NAA16: variants seen among roughly 807,000 people sequenced by gnomAD.
NAA16 encodes NARG1-like protein.
In NAA16, 97 loss-of-function variants were observed where a neutral mutation model predicts 110.3. That is an observed-to-expected ratio of 0.88 (90% CI 0.75 to 1.04). The LOEUF is 1.04. NAA16 is among the 50% of genes least tolerant of loss of function. The pLI is 0.00. For missense variants in NAA16, 1,017 were observed against 1,005.1 expected, an observed-to-expected ratio of 1.01 and a Z score of -0.16; for synonymous variants, 372 against 330.6, an observed-to-expected ratio of 1.13 and a Z score of -1.36.
intron 13 of NAA16, among the ~76,000 whole-genome samples, chr13:41,364,608 C>T (rs1030017609): frequency 1.3e-5 from 2 of 151,900 alleles, no homozygotes; most frequent in African/African-American, 4.8e-5. Context: ...TATTAGACTG[C>T]TGGTGATTGG....
intron 15 of NAA16, among the ~76,000 whole-genome samples, chr13:41,370,520 C>A (rs180835074): frequency 6.6e-6 from 1 of 152,144 alleles, no homozygotes; most frequent in South Asian, 2.1e-4. Flanking sequence ...AACCCCTGAG[C>A]CTTGAAGGGA....
At chr13:41,367,919 T>C (rs1274795573) in intron 14 of NAA16, among the ~76,000 whole-genome samples, 1 of 152,080 alleles carries the variant, frequency 6.6e-6, no homozygotes, top group Non-Finnish European at 1.5e-5. Context: ...ATTTAAGAAC[T>C]GGGTATGGTG....
At chr13:41,330,270 C>T (rs1010827703) in intron 7 of NAA16, among the ~76,000 whole-genome samples, 3 of 151,516 alleles carry the variant, frequency 2.0e-5, no homozygotes, top group Non-Finnish European at 4.4e-5. Flanking sequence ...AAACATATTA[C>T]TGGGGGAAGG....
chr13:41,315,507 G>A (rs2041784395), intron 1 of NAA16, among the ~76,000 whole-genome samples: 1 of 152,132 alleles, frequency 6.6e-6, no homozygotes, highest in Non-Finnish European at 1.5e-5. Flanking sequence ...CAGCTAAGCT[G>A]AGCAGCTTAT....
intron 8 of NAA16, among the ~76,000 whole-genome samples, chr13:41,334,984 T>G (rs1223551821): frequency 1.3e-5 from 2 of 152,184 alleles, no homozygotes; most frequent in Admixed American, 1.3e-4. Context: ...TTCTTTTCAC[T>G]TAACCTCGTA....
chr13:41,340,946 C>A (rs986077114), intron 9 of NAA16, among the ~76,000 whole-genome samples: 3 of 152,094 alleles, frequency 2.0e-5, no homozygotes, highest in Admixed American at 6.5e-5. Context: ...GGATTACAGG[C>A]GTGAGCCACC....
In NAA16 at chr13:41,369,249, T is replaced by G; in HGVS notation, c.1913T>G (p.Leu638Arg). 1 of 1,582,448 alleles carries G rather than the reference T, an allele frequency of 6.3e-7. No homozygotes were observed. The highest frequency in any genetic ancestry group is 8.5e-7 in the Non-Finnish European group (1 of 1,172,216). The change falls in exon 15 of 20, where the codon CTT becomes CGT. Residue 638 changes from leucine (L) to arginine (R), a missense_variant. Transcript: ENST00000379406. ...GAAGAAGAAGAAGAAGCCAGTGGCC[T>G]TAAGGAAGAACTTATACCTGAAAAA... ...RDEEEEEASGLKEELIPEKLE... is the reference protein window; with the variant it reads ...RDEEEEEASGRKEELIPEKLE...
At chr13:41,368,467 A>G (rs1343544425) in intron 14 of NAA16, among the ~76,000 whole-genome samples, 2 of 152,188 alleles carry the variant, frequency 1.3e-5, no homozygotes, top group Admixed American at 1.3e-4. Context: ...CTATTGGTCA[A>G]TTTTAGTTAA....
intron 8 of NAA16, among the ~76,000 whole-genome samples, chr13:41,331,824 G>T (rs1255819895): frequency 3.9e-5 from 6 of 152,058 alleles, no homozygotes; most frequent in Non-Finnish European, 8.8e-5. Flanking sequence ...GAAATGATAA[G>T]TAATCGAGGC....
At chr13:41,328,661 A>G in intron 6 of NAA16, 63 bp from the exon 7 acceptor site, 1 of 1,360,500 alleles carries the variant, frequency 7.4e-7, no homozygotes, top group Non-Finnish European at 1.0e-6. Flanking sequence ...TGTTTAGTGA[A>G]GTCCCTGGGG....
At chr13:41,354,525 G>C (rs991136289) in intron 9 of NAA16, 1 of 152,118 alleles carries the variant, frequency 6.6e-6, no homozygotes, top group Non-Finnish European at 1.5e-5. Flanking sequence ...CAAAGCCCCA[G>C]TTTTCACAAA....
At chr13:41,333,129 T>C (rs993358142) in intron 8 of NAA16, among the ~76,000 whole-genome samples, 2 of 152,152 alleles carry the variant, frequency 1.3e-5, no homozygotes, top group African/African-American at 2.4e-5. Context: ...GCTTTTAATA[T>C]ACACTTTGTG....
rs189013033 is a variant in NAA16, at chr13:41,353,247, T to C, written c.1015-1897T>C. Reference sequence around the variant, plus strand: ...GGCGCAAGTTCCTGAAAAAAAATTATTTGCCTTTATAAGTTTAACAACTTG... The same window carrying C: ...GGCGCAAGTTCCTGAAAAAAAATTACTTGCCTTTATAAGTTTAACAACTTG... On this transcript the variant is annotated intron_variant, in intron 9 of 19. Coordinates refer to ENST00000379406, the MANE Select transcript of NAA16 (RefSeq NM_024561.5). 1.1e-3 allele frequency among the ~76,000 whole-genome samples: 167 copies of C among 152,342 alleles called. 2 individuals are homozygous for C. The highest frequency in any genetic ancestry group is 1.9e-3 in the Non-Finnish European group (128 of 68,036).
At chr13:41,346,992 G>A (rs990331367) in intron 9 of NAA16, among the ~76,000 whole-genome samples, 3 of 152,094 alleles carry the variant, frequency 2.0e-5, no homozygotes, top group Non-Finnish European at 4.4e-5. Flanking sequence ...GCTGAGGTGG[G>A]TGGATCACGA....
chr13:41,339,854 C>T (rs943217731), intron 9 of NAA16, among the ~76,000 whole-genome samples: 2 of 152,012 alleles, frequency 1.3e-5, no homozygotes, highest in Non-Finnish European at 2.9e-5. Context: ...CCACTGTGCC[C>T]GACTAAGTTG....
intron 5 of NAA16, among the ~76,000 whole-genome samples, chr13:41,324,879 G>GTT (rs796608842): frequency 4.5e-5 from 6 of 134,240 alleles, no homozygotes; most frequent in African/African-American, 1.4e-4. Context: ...ACAATGTTGT[G>GTT]TTTTTTTTTT....
intron 1 of NAA16, among the ~76,000 whole-genome samples, chr13:41,313,151 G>A (rs1183648086): frequency 6.6e-6 from 1 of 151,938 alleles, no homozygotes; most frequent in Non-Finnish European, 1.5e-5. Context: ...TAAGGAAAAA[G>A]TTACATTATT....
rs3829396 is a variant in NAA16 at position 41,361,114 on chromosome 13, C to G, written c.1411-917C>G. On this transcript the variant is annotated intron_variant, in intron 12 of 19. Transcript: ENST00000379406. Reference sequence around the variant, plus strand: ...CATATAAAATATATTTTAAATGTCTCTTCTAAACTGTGACAAAACTTGAGT... The same window carrying G: ...CATATAAAATATATTTTAAATGTCTGTTCTAAACTGTGACAAAACTTGAGT... Among the ~76,000 whole-genome samples, 28 of 152,184 alleles carry G rather than the reference C, an allele frequency of 1.8e-4. No homozygotes were observed. In the East Asian group the frequency reaches 4.6e-3, roughly 25 times the overall value.
intron 9 of NAA16, among the ~76,000 whole-genome samples, chr13:41,343,503 C>T (rs901850624): frequency 1.3e-5 from 2 of 151,842 alleles, no homozygotes; most frequent in Non-Finnish European, 2.9e-5. Flanking sequence ...CTTTGTTTTC[C>T]CCCTAGCAGT....
Sources: gnomAD v4.1 joint callset for allele counts (sites outside exome capture counted in the v4.1 genomes callset) on GRCh38, gnomAD v4.1.1 for gene constraint, MANE v1.5 for transcripts, NCBI Gene and HGNC (gene_info 2026-07-23, HGNC 2026-07-21) for gene names.